RNF24: variants seen among roughly 807,000 people sequenced by gnomAD.
The protein encoded by RNF24 is ring finger protein 24.
In RNF24, 14 loss-of-function variants were observed where a neutral mutation model predicts 20.0. The ratio of observed to expected loss-of-function variants is 0.70; its 90% CI spans 0.46 to 1.10. The LOEUF is 1.10. Among genes scored for constraint, RNF24 ranks in the 50% least tolerant of loss-of-function variants. The probability of loss-of-function intolerance (pLI) is 0.00; values close to 1 mark genes in which losing one functional copy is unlikely to be tolerated. For missense variants in RNF24, 124 were observed against 177.6 expected, an observed-to-expected ratio of 0.70 and a Z score of 1.71; for synonymous variants, 45 against 61.1, an observed-to-expected ratio of 0.74 and a Z score of 1.23.
At chr20:3,996,883 A>G (rs1980910192) in intron 1 of RNF24, among the ~76,000 whole-genome samples, 3 of 152,196 alleles carry the variant, frequency 2.0e-5, no homozygotes, top group African/African-American at 4.8e-5. Context: ...CCCTGATGCC[A>G]TGAAGCTCCA....
chr20:3,983,609 G>T (rs1979617430), intron 1 of RNF24, among the ~76,000 whole-genome samples: 1 of 152,026 alleles, frequency 6.6e-6, no homozygotes, highest in Non-Finnish European at 1.5e-5. Context: ...GACTTTCTGT[G>T]TAATCTTTTT....
intron 4 of RNF24, among the ~76,000 whole-genome samples, chr20:3,944,914 C>A (rs534889486): frequency 6.6e-6 from 1 of 152,156 alleles, no homozygotes. Context: ...GTTTCCTATT[C>A]ATACAGCATG....
chr20:3,954,915 A>G lies in RNF24; in HGVS notation c.144-6636T>C, dbSNP rs532934151. ...CTCCATCTCAAGAAAAAAAAAAAAG[A>G]ATTTGTTTGAAGATCCACCAAACTC... is the stretch of plus-strand genomic sequence containing the variant. On this transcript the variant is annotated intron_variant, in intron 2 of 5. Coordinates refer to ENST00000358395, the MANE Select transcript of RNF24 (RefSeq NM_001134337.3). Among the ~76,000 whole-genome samples, 9 of 151,880 alleles carry G rather than the reference A, an allele frequency of 5.9e-5. No individual in the cohort carries two copies. The South Asian group carries it at 1.9e-3, about 32-fold the overall frequency.
At chr20:3,988,017 A>C (rs1980081671) in intron 1 of RNF24, among the ~76,000 whole-genome samples, 4 of 152,172 alleles carry the variant, frequency 2.6e-5, no homozygotes, top group Admixed American at 2.6e-4. Context: ...AAAATAAAAA[A>C]AAAAAATTTT....
intron 1 of RNF24, among the ~76,000 whole-genome samples, chr20:4,008,321 T>TTA (rs1491395029): frequency 3.3e-5 from 3 of 91,720 alleles, no homozygotes; most frequent in African/African-American, 1.4e-4. Context: ...TATATATATA[T>TTA]TATATATATA....
intron 1 of RNF24, among the ~76,000 whole-genome samples, chr20:3,976,224 A>C (rs1486090136): frequency 6.6e-6 from 1 of 152,240 alleles, no homozygotes; most frequent in Non-Finnish European, 1.5e-5. Context: ...GGCAAAAGAG[A>C]TATTTCACCA....
At chr20:3,949,594 G>A (rs1257009947) in intron 2 of RNF24, among the ~76,000 whole-genome samples, 1 of 151,906 alleles carries the variant, frequency 6.6e-6, no homozygotes, top group Non-Finnish European at 1.5e-5. Flanking sequence ...TGAGGTGGGA[G>A]GACTGCTTGA....
intron 1 of RNF24, among the ~76,000 whole-genome samples, chr20:4,003,772 A>G (rs1157308976): frequency 2.0e-5 from 3 of 149,848 alleles, no homozygotes; most frequent in Non-Finnish European, 4.4e-5. Context: ...CCTCCCAAGT[A>G]GCTGGGATTA....
In RNF24 at chr20:3,943,301, A is replaced by ATT. The variant is rs562360151; in HGVS notation, c.228+1874_228+1875dup. ...CAATATAAATCAAAATCCCAGCAGG[A>ATT]TTTTTTTTTTTTTTTTGTGGATACA... On this transcript the variant is annotated intron_variant, in intron 4 of 5. Coordinates refer to ENST00000358395, the MANE Select transcript of RNF24 (RefSeq NM_001134337.3). Among the ~76,000 whole-genome samples the ATT allele has an allele frequency of 7.7e-3, 1,120 of 145,648 alleles. 10 individuals carry two copies. Among genetic ancestry groups the ATT allele is most frequent in the African/African-American group, 0.026 (1,061 of 40,086 alleles).
chr20:4,009,044 G>C (rs562130219), intron 1 of RNF24, among the ~76,000 whole-genome samples: 96 of 152,238 alleles, frequency 6.3e-4, no homozygotes, highest in African/African-American at 2.0e-3. Flanking sequence ...TGCCTCTTTT[G>C]CCCATGTACT....
At chr20:3,998,815 T>C (rs1253936225) in intron 1 of RNF24, among the ~76,000 whole-genome samples, 1 of 150,568 alleles carries the variant, frequency 6.6e-6, no homozygotes, top group Non-Finnish European at 1.5e-5. Context: ...GTGTGGTGGC[T>C]CACACCTGTA....
intron 1 of RNF24, among the ~76,000 whole-genome samples, chr20:3,971,687 C>T (rs910595403): frequency 1.3e-5 from 2 of 152,050 alleles, no homozygotes; most frequent in African/African-American, 4.8e-5. Context: ...CTACAGCAAT[C>T]AGTAAGAAAA....
At chr20:3,995,136 C>T (rs1483898967) in intron 1 of RNF24, among the ~76,000 whole-genome samples, 4 of 152,180 alleles carry the variant, frequency 2.6e-5, no homozygotes, top group African/African-American at 4.8e-5. Context: ...CGCCCCACCA[C>T]GGGGACTTGT....
intron 1 of RNF24, among the ~76,000 whole-genome samples, chr20:4,001,286 A>G (rs796508661): frequency 6.6e-6 from 1 of 152,140 alleles, no homozygotes; most frequent in Non-Finnish European, 1.5e-5. Context: ...CAAACAAACA[A>G]AAAACCTCAT....
chr20:3,964,718 A>ATGT (rs1185641788), intron 1 of RNF24, among the ~76,000 whole-genome samples: 1 of 152,072 alleles, frequency 6.6e-6, no homozygotes, highest in African/African-American at 2.4e-5. Flanking sequence ...TAGAGATAGC[A>ATGT]TGTTGCCTAG....
chr20:3,993,045 A>G (rs536105070), intron 1 of RNF24, among the ~76,000 whole-genome samples: 1 of 152,374 alleles, frequency 6.6e-6, no homozygotes, highest in South Asian at 2.1e-4. Flanking sequence ...AGCCTGATGT[A>G]TAATCCCTGA....
rs188771982 is a variant in RNF24, at chr20:3,934,276, A to G, written c.309-75T>C. ...CACGGCTGTTCTGCTGAACATCTCC[A>G]TATCTGTCACCCAGACAACGTCTGC... On this transcript the variant is annotated intron_variant, in intron 5 of 5. Coordinates refer to ENST00000358395, the MANE Select transcript of RNF24 (RefSeq NM_001134337.3). The surrounding 1 kb of genome is among the most constrained non-coding windows in gnomAD (Gnocchi z 4.0). The G allele has an allele frequency of 2.5e-5, 36 of 1,458,934 alleles. 1 individual carries two copies. Among genetic ancestry groups the G allele is most frequent in the Middle Eastern group, 3.6e-4 (2 of 5,588 alleles). 90.4% of individuals were successfully genotyped at this position (1,458,934 alleles called of 1,614,324 possible). A position where few individuals can be genotyped will look rare whatever the true frequency, so the allele number is the denominator to read the frequency against.
chr20:3,947,338 T>C (rs1464053457), intron 3 of RNF24, among the ~76,000 whole-genome samples: 1 of 152,246 alleles, frequency 6.6e-6, no homozygotes, highest in Non-Finnish European at 1.5e-5. Flanking sequence ...AATTTCATGC[T>C]TAGAGCCAAA....
intron 1 of RNF24, among the ~76,000 whole-genome samples, chr20:3,965,130 T>C (rs1462884705): frequency 6.6e-6 from 1 of 152,226 alleles, no homozygotes; most frequent in Non-Finnish European, 1.5e-5. Context: ...TTTTGATTCC[T>C]TACAAAATAA....
Sources: allele counts gnomAD v4.1 joint callset (sites outside exome capture counted in the v4.1 genomes callset), GRCh38; gene constraint gnomAD v4.1.1; non-coding constraint Gnocchi (gnomAD v3.1); transcripts MANE v1.5; gene names NCBI Gene and HGNC (gene_info 2026-07-23, HGNC 2026-07-21).